Variants in EGR3 observed in about 807,000 individuals in gnomAD.
EGR3 encodes early growth response protein 3.
A neutral mutation model predicts 22.4 loss-of-function variants in EGR3; 4 were observed. The ratio of observed to expected loss-of-function variants is 0.18; its 90% CI spans 0.09 to 0.41. The LOEUF is 0.41. Among genes scored for constraint, EGR3 ranks in the 10% least tolerant of loss-of-function variants. EGR3 has a pLI of 1.00. For missense variants in EGR3, 315 were observed against 541.3 expected (o/e 0.58, Z 4.15); for synonymous variants, 219 against 226.8 (o/e 0.97, Z 0.31).
Position 22,693,064 on chromosome 8 carries a change from A to T in EGR3, c.-120T>A. On this transcript the variant is annotated 5_prime_UTR_variant, in exon 1 of 2. Coordinates refer to ENST00000317216, the MANE Select transcript of EGR3 (RefSeq NM_004430.3). ...CCGTGGTGCAGGGGAAAAGCATGCGAGAGGGAAAGTTCGGGGGGAGGGGGG... is the reference window on the plus strand; with the variant it reads ...CCGTGGTGCAGGGGAAAAGCATGCGTGAGGGAAAGTTCGGGGGGAGGGGGG... 2 of 335,906 alleles carry T rather than the reference A, an allele frequency of 6.0e-6. No homozygotes were observed. Among genetic ancestry groups the T allele is most frequent in the Non-Finnish European group, 9.2e-6 (2 of 217,288 alleles). The allele number at this position is 335,906 out of a possible 1,614,324, so 20.8% of individuals were successfully genotyped here.
Position 22,688,236 on chromosome 8 carries a change from A to G in EGR3, c.*2237T>C, listed in dbSNP as rs1167867328. 1.3e-5 allele frequency: 2 copies of G among 152,640 alleles called. No homozygotes were observed. The highest frequency in any genetic ancestry group is 3.8e-4 in the East Asian group (2 of 5,204). The allele number at this position is 152,640 out of a possible 1,614,324, so 9.5% of individuals were successfully genotyped here. A position where few individuals can be genotyped will look rare whatever the true frequency, so the allele number is the denominator to read the frequency against. ...AATGTCTGAGAACAGTTTTATTAAA[A>G]CAAAGGAAAACTCAATTATCATGCA... On this transcript the variant is annotated 3_prime_UTR_variant, in exon 2 of 2. Transcript: ENST00000317216.
Position 22,693,291 on chromosome 8 carries a change from T to C in EGR3, c.-347A>G. On this transcript the variant is annotated 5_prime_UTR_variant, in exon 1 of 2. Transcript: ENST00000317216. ...CGGCTCAAGGGGGTCGGACGCGGCC[T>C]CAGTATTGATCTCACAAACAGACAC... 6.8e-6 allele frequency: 1 copy of C among 147,414 alleles called. No homozygotes were observed. The highest frequency in any genetic ancestry group is 1.4e-5 in the Non-Finnish European group (1 of 69,102). The allele number at this position is 147,414 out of a possible 1,614,324, so 9.1% of individuals were successfully genotyped here.
rs910779293 is a variant in EGR3 at position 22,692,040 on chromosome 8, C to T, written c.155-558G>A. On this transcript the variant is annotated intron_variant, in intron 1 of 1. Coordinates refer to ENST00000317216, the MANE Select transcript of EGR3 (RefSeq NM_004430.3). This position sits in a 1 kb window ranked among gnomAD's most constrained non-coding sequence, Gnocchi z 6.2. The stretch of plus-strand genomic sequence containing the variant: ...AAGGGAGCTCTCCCTTCACCTACCC[C>T]GGCCCCAGCCTCCTCGGGCATGAAG... 6.9e-6 allele frequency: 9 copies of T among 1,310,358 alleles called. No individual in the cohort carries two copies. Among genetic ancestry groups the T allele is most frequent in the Non-Finnish European group, 9.7e-7 (1 of 1,031,166 alleles). The allele number at this position is 1,310,358 out of a possible 1,614,324, so 81.2% of individuals were successfully genotyped here.
rs1803862513 is a variant in EGR3, at chr8:22,689,196, GA to G, written c.*1276del. 1 of 152,548 alleles carries G rather than the reference GA, an allele frequency of 6.6e-6. No homozygotes were observed. Among genetic ancestry groups the G allele is most frequent in the African/African-American group, 2.4e-5 (1 of 41,432 alleles). The allele number at this position is 152,548 out of a possible 1,614,324, so 9.4% of individuals were successfully genotyped here. On this transcript the variant is annotated 3_prime_UTR_variant, in exon 2 of 2. Transcript: ENST00000317216. The stretch of plus-strand genomic sequence containing the variant: ...CTCTTTATTCCGGTGCACTGCACTG[GA>G]TAACCAAGTACCTTAGAGATTTTAT...
At position 22,689,539 on chromosome 8, in the gene EGR3, G is replaced by A. The variant is rs11136094; in HGVS notation, c.*934C>T. 0.65 allele frequency: 98,623 copies of A among 152,504 alleles called. 32,177 individuals are homozygous for A. Among genetic ancestry groups the A allele is most frequent in the Admixed American group, 0.73 (11,169 of 15,266 alleles). 9.4% of individuals were successfully genotyped at this position (152,504 alleles called of 1,614,324 possible). ...AGAAGGGGAAGGAGTGGGAGGGCAG[G>A]GGGCAAACTCAGGAACATAGATTTC... On this transcript the variant is annotated 3_prime_UTR_variant, in exon 2 of 2. Transcript: ENST00000317216.
rs1362467826 is a variant in EGR3, at chr8:22,688,343, A to T, written c.*2130T>A. The T allele has an allele frequency of 6.6e-6, 1 of 152,614 alleles. No homozygotes were observed. Among genetic ancestry groups the T allele is most frequent in the Non-Finnish European group, 1.5e-5 (1 of 68,036 alleles). The allele number at this position is 152,614 out of a possible 1,614,324, so 9.5% of individuals were successfully genotyped here. On this transcript the variant is annotated 3_prime_UTR_variant, in exon 2 of 2. Coordinates refer to ENST00000317216, the MANE Select transcript of EGR3 (RefSeq NM_004430.3). The stretch of plus-strand genomic sequence containing the variant: ...TCCTTCTAGCTTGGAAGTGACCAAA[A>T]TTTTTGCTTTTTTAATAATCATCAC...
At chr8:22,691,579 C>T (rs1240915720) in intron 1 of EGR3, 97 bp from the exon 2 acceptor site, 18 of 1,515,752 alleles carry the variant, frequency 1.2e-5, no homozygotes, top group Non-Finnish European at 1.6e-5. Flanking sequence ...AGGGTGCGGC[C>T]GGGTGGAGTG....
chr8:22,690,605 G>A lies in EGR3; in HGVS notation c.1032C>T (p.Arg344=). The A allele has an allele frequency of 6.2e-7, 1 of 1,613,810 alleles. No homozygotes were observed. Among genetic ancestry groups the A allele is most frequent in the Non-Finnish European group, 8.5e-7 (1 of 1,179,980 alleles). The change falls in exon 2 of 2, where the codon CGC becomes CGT. Residue 344 remains arginine, a synonymous_variant. Coordinates refer to ENST00000317216, the MANE Select transcript of EGR3 (RefSeq NM_004430.3). The part of the protein sequence containing the change: ...ACEFCGRKFA[R]SDERKRHAKI... Reference sequence around the variant, plus strand: ...TGGCGTGGCGCTTGCGCTCGTCGCTGCGCGCAAACTTGCGCCCGCAGAACT... The same window carrying A: ...TGGCGTGGCGCTTGCGCTCGTCGCTACGCGCAAACTTGCGCCCGCAGAACT...
chr8:22,693,255 G>GC lies in EGR3; in HGVS notation c.-312_-311insG, dbSNP rs1804030799. On this transcript the variant is annotated 5_prime_UTR_variant, in exon 1 of 2. Transcript: ENST00000317216. ...GGGGGGTGGGGTGGGGGCTGGGCTG[G>GC]GGGGGGATCTCGGCTCAAGGGGGTC... The GC allele has an allele frequency of 6.7e-6, 1 of 150,144 alleles. No homozygotes were observed. Among genetic ancestry groups the GC allele is most frequent in the Non-Finnish European group, 1.4e-5 (1 of 69,944 alleles). 9.3% of individuals were successfully genotyped at this position (150,144 alleles called of 1,614,324 possible).
chr8:22,692,214 G>A lies in EGR3; in HGVS notation c.154+577C>T. 1.4e-6 allele frequency: 2 copies of A among 1,420,446 alleles called. No homozygotes were observed. The highest frequency in any genetic ancestry group is 2.9e-5 in the South Asian group (2 of 68,164). 88.0% of individuals were successfully genotyped at this position (1,420,446 alleles called of 1,614,324 possible). ...GGATCGTTCCCCGTGGCAGGCCCTC[G>A]CCCCGCGGGTGAACCCCCTCCTTCT... is the stretch of plus-strand genomic sequence containing the variant. On this transcript the variant is annotated intron_variant, in intron 1 of 1. Coordinates refer to ENST00000317216, the MANE Select transcript of EGR3 (RefSeq NM_004430.3). The surrounding 1 kb of genome is among the most constrained non-coding windows in gnomAD (Gnocchi z 6.2).
chr8:22,692,547 C>T lies in EGR3; in HGVS notation c.154+244G>A. On this transcript the variant is annotated intron_variant, in intron 1 of 1. Coordinates refer to ENST00000317216, the MANE Select transcript of EGR3 (RefSeq NM_004430.3). The surrounding 1 kb of genome is among the most constrained non-coding windows in gnomAD (Gnocchi z 6.2). ...CCACCCGGGAGAACCGAAGCCTCTA[C>T]CGTGGCGTCGCCAACCTAGCCTTCT... 6.3e-6 allele frequency: 9 copies of T among 1,430,106 alleles called. No homozygotes were observed. Among genetic ancestry groups the T allele is most frequent in the Non-Finnish European group, 7.3e-6 (8 of 1,096,070 alleles). 88.6% of individuals were successfully genotyped at this position (1,430,106 alleles called of 1,614,324 possible).
Position 22,692,155 on chromosome 8 carries a change from G to A in EGR3, c.154+636C>T. 9 of 1,378,576 alleles carry A rather than the reference G, an allele frequency of 6.5e-6. No individual in the cohort carries two copies. The highest frequency in any genetic ancestry group is 8.4e-6 in the Non-Finnish European group (9 of 1,071,166). 85.4% of individuals were successfully genotyped at this position (1,378,576 alleles called of 1,614,324 possible). ...AAAACCGGCCGGTGTCTCCATGGCG[G>A]GAGAGGCCGCCCTTCCCCAGCTCCC... On this transcript the variant is annotated intron_variant, in intron 1 of 1. Coordinates refer to ENST00000317216, the MANE Select transcript of EGR3 (RefSeq NM_004430.3). This position sits in a 1 kb window ranked among gnomAD's most constrained non-coding sequence, Gnocchi z 6.2.
rs1804026483 is a variant in EGR3, at chr8:22,693,136, T to C, written c.-192A>G. ...GCCAGGAGAGGGGATCTTCTCTTTT[T>C]TGGGGGGCGGGAGAGGGCCCCAGGG... On this transcript the variant is annotated 5_prime_UTR_variant, in exon 1 of 2. Coordinates refer to ENST00000317216, the MANE Select transcript of EGR3 (RefSeq NM_004430.3). 3.7e-6 allele frequency: 2 copies of C among 533,784 alleles called. No homozygotes were observed. The highest frequency in any genetic ancestry group is 5.7e-6 in the Non-Finnish European group (2 of 352,222). 33.1% of individuals were successfully genotyped at this position (533,784 alleles called of 1,614,324 possible).
chr8:22,687,901 T>C lies in EGR3; in HGVS notation c.*2572A>G, dbSNP rs535271271. ...TGAAATGTTGGTGAAGAATTTCACCTTTTCACAATATCAAGCATATTTTTT... is the reference window on the plus strand; with the variant it reads ...TGAAATGTTGGTGAAGAATTTCACCCTTTCACAATATCAAGCATATTTTTT... On this transcript the variant is annotated 3_prime_UTR_variant, in exon 2 of 2. Transcript: ENST00000317216. This position sits in a 1 kb window ranked among gnomAD's most constrained non-coding sequence, Gnocchi z 4.7. 8.5e-5 allele frequency: 13 copies of C among 152,768 alleles called. No individual in the cohort carries two copies. Among genetic ancestry groups the C allele is most frequent in the Admixed American group, 8.5e-4 (13 of 15,304 alleles). 9.5% of individuals were successfully genotyped at this position (152,768 alleles called of 1,614,324 possible).
chr8:22,692,682 C>CA lies in EGR3; in HGVS notation c.154+108dup. 1 of 1,368,616 alleles carries CA rather than the reference C, an allele frequency of 7.3e-7. No individual in the cohort carries two copies. Among genetic ancestry groups the CA allele is most frequent in the Non-Finnish European group, 1.0e-6 (1 of 1,002,704 alleles). The allele number at this position is 1,368,616 out of a possible 1,614,324, so 84.8% of individuals were successfully genotyped here. On this transcript the variant is annotated intron_variant, in intron 1 of 1. Coordinates refer to ENST00000317216, the MANE Select transcript of EGR3 (RefSeq NM_004430.3). The surrounding 1 kb of genome is among the most constrained non-coding windows in gnomAD (Gnocchi z 6.2). Reference sequence around the variant, plus strand: ...TTATCTATCCACCCATCCACCCATCCATCCATCCATCCATCCATCCATCCA... The same window carrying CA: ...TTATCTATCCACCCATCCACCCATCCAATCCATCCATCCATCCATCCATCCA...
In EGR3 at chr8:22,690,059, T is replaced by C. The variant is rs932624909; in HGVS notation, c.*414A>G. 29 of 201,954 alleles carry C rather than the reference T, an allele frequency of 1.4e-4. No homozygotes were observed. The highest frequency in any genetic ancestry group is 3.3e-4 in the Admixed American group (6 of 18,242). 12.5% of individuals were successfully genotyped at this position (201,954 alleles called of 1,614,324 possible). A position where few individuals can be genotyped will look rare whatever the true frequency, so the allele number is the denominator to read the frequency against. On this transcript the variant is annotated 3_prime_UTR_variant, in exon 2 of 2. Coordinates refer to ENST00000317216, the MANE Select transcript of EGR3 (RefSeq NM_004430.3). Reference sequence around the variant, plus strand: ...GTGCGCTCCTTACCCCCTCCCCCTCTCGAGTCTTCGAGGGGGTATAGAGGG... The same window carrying C: ...GTGCGCTCCTTACCCCCTCCCCCTCCCGAGTCTTCGAGGGGGTATAGAGGG...
At position 22,690,264 on chromosome 8, in the gene EGR3, A is replaced by C. The variant is rs1250892406; in HGVS notation, c.*209T>G. On this transcript the variant is annotated 3_prime_UTR_variant, in exon 2 of 2. Transcript: ENST00000317216. ...CGCCTTGGCTAAGTGGGGGACCGCG[A>C]GGGGAAGGCGCCTCCAGCCCTGGCC... 3.5e-6 allele frequency: 2 copies of C among 573,392 alleles called. No individual in the cohort carries two copies. Among genetic ancestry groups the C allele is most frequent in the Admixed American group, 6.3e-5 (2 of 31,540 alleles). The allele number at this position is 573,392 out of a possible 1,614,324, so 35.5% of individuals were successfully genotyped here.
rs1416681468 is a variant in EGR3 at position 22,693,379 on chromosome 8, G to A, written c.-435C>T. Reference sequence around the variant, plus strand: ...CACCGCCACCGCCACCGCCGCCGCCGCCGCCGCCGCCGCCGCCGCCTCTGC... The same window carrying A: ...CACCGCCACCGCCACCGCCGCCGCCACCGCCGCCGCCGCCGCCGCCTCTGC... On this transcript the variant is annotated 5_prime_UTR_variant, in exon 1 of 2. Transcript: ENST00000317216. 1 of 113,206 alleles carries A rather than the reference G, an allele frequency of 8.8e-6. No individual in the cohort carries two copies. Among genetic ancestry groups the A allele is most frequent in the Non-Finnish European group, 1.7e-5 (1 of 60,530 alleles). 7.0% of individuals were successfully genotyped at this position (113,206 alleles called of 1,614,324 possible). A position where few individuals can be genotyped will look rare whatever the true frequency, so the allele number is the denominator to read the frequency against.
At chr8:22,691,969 G>A (rs1330458481) in intron 1 of EGR3, 1 of 1,260,628 alleles carries the variant, frequency 7.9e-7, no homozygotes, top group African/African-American at 1.6e-5. Context: ...CCGACCCAGA[G>A]CGCTCCGACG....
Sources: allele counts gnomAD v4.1 joint callset, GRCh38; gene constraint gnomAD v4.1.1; non-coding constraint Gnocchi (gnomAD v3.1); transcripts MANE v1.5; gene names NCBI Gene and HGNC (gene_info 2026-07-23, HGNC 2026-07-21).